KCNQ5: variants seen among roughly 807,000 people sequenced by gnomAD.
The protein encoded by KCNQ5 is potassium voltage-gated channel subfamily KQT member 5.
In KCNQ5, 30 loss-of-function variants were observed where a neutral mutation model predicts 98.2. That is an observed-to-expected ratio of 0.31 (90% CI 0.23 to 0.41). The LOEUF is 0.41. Ranked by LOEUF, KCNQ5 falls within the 10% of genes least tolerant of loss-of-function variation. The pLI, the probability that KCNQ5 is intolerant of heterozygous loss-of-function variation, is 1.00. For missense variants in KCNQ5, 835 were observed against 1,182.5 expected, an observed-to-expected ratio of 0.71 and a Z score of 4.31; for synonymous variants, 458 against 449.4, an observed-to-expected ratio of 1.02 and a Z score of -0.24.
At chr6:72,700,297 ATCTATC>A (rs1054316408) in intron 1 of KCNQ5, among the ~76,000 whole-genome samples, 2 of 121,624 alleles carry the variant, frequency 1.6e-5, no homozygotes, top group African/African-American at 7.5e-5. Context: ...ATCTATATCT[ATCTATC>A]TATCTATCTA....
chr6:73,171,992 G>C (rs1371493343), intron 11 of KCNQ5, among the ~76,000 whole-genome samples: 1 of 152,140 alleles, frequency 6.6e-6, no homozygotes, highest in African/African-American at 2.4e-5. Flanking sequence ...TATTCTGCTA[G>C]CTAAGCACTT....
At chr6:72,867,966 ACT>A (rs1562035223) in intron 1 of KCNQ5, among the ~76,000 whole-genome samples, 29 of 151,354 alleles carry the variant, frequency 1.9e-4, no homozygotes, top group South Asian at 6.3e-4. Context: ...TACTACTACT[ACT>A]ACTAATAATA....
intron 1 of KCNQ5, among the ~76,000 whole-genome samples, chr6:72,912,221 A>G (rs1005457070): frequency 5.3e-5 from 8 of 152,222 alleles, no homozygotes; most frequent in Non-Finnish European, 1.5e-5. Flanking sequence ...CTTGGAGGGC[A>G]TTATGTGTGG....
intron 1 of KCNQ5, among the ~76,000 whole-genome samples, chr6:72,962,206 T>TATATATATATACAC (rs1562095978): frequency 7.8e-6 from 1 of 128,146 alleles, no homozygotes; most frequent in Non-Finnish European, 1.7e-5. Context: ...TATATACATA[T>TATATATATATACAC]ATATATATAT....
chr6:73,019,092 A>C (rs913797534), intron 2 of KCNQ5, among the ~76,000 whole-genome samples: 9 of 152,014 alleles, frequency 5.9e-5, no homozygotes, highest in Non-Finnish European at 1.2e-4. Flanking sequence ...GGGTGACCTT[A>C]TCTCCATAAT....
At chr6:73,132,144 T>C (rs1285131852) in intron 9 of KCNQ5, among the ~76,000 whole-genome samples, 3 of 152,202 alleles carry the variant, frequency 2.0e-5, no homozygotes, top group Non-Finnish European at 4.4e-5. Context: ...CATGCTGCAG[T>C]TGGGGACAGT....
chr6:73,016,217 G>A (rs527307850), intron 2 of KCNQ5, among the ~76,000 whole-genome samples: 3 of 152,102 alleles, frequency 2.0e-5, no homozygotes, highest in Non-Finnish European at 4.4e-5. Flanking sequence ...GACTTGAATG[G>A]AATGAGGCGA....
At chr6:72,823,005 G>A (rs1307583986) in intron 1 of KCNQ5, among the ~76,000 whole-genome samples, 2 of 151,824 alleles carry the variant, frequency 1.3e-5, no homozygotes, top group African/African-American at 4.8e-5. Context: ...ATCACATTGG[G>A]CCCACCTTGA....
intron 1 of KCNQ5, among the ~76,000 whole-genome samples, chr6:72,860,100 G>A (rs1468954193): frequency 1.3e-5 from 2 of 152,124 alleles, no homozygotes; most frequent in African/African-American, 4.8e-5. Context: ...GCCCAGTGAA[G>A]AGATGAGAGA....
At chr6:72,987,162 A>T (rs1451257717) in intron 1 of KCNQ5, 2 of 664,162 alleles carry the variant, frequency 3.0e-6, no homozygotes, top group East Asian at 2.8e-5. Context: ...GAAAAAGATG[A>T]AGTCCAAGAA....
intron 5 of KCNQ5, among the ~76,000 whole-genome samples, chr6:73,088,023 C>CTTTTTT (rs35354592): frequency 7.5e-6 from 1 of 133,358 alleles, no homozygotes; most frequent in Non-Finnish European, 1.5e-5. Context: ...CTCTCTCTCT[C>CTTTTTT]TTTTTTTTTT....
chr6:72,979,113 T>C (rs1344836124), intron 1 of KCNQ5, among the ~76,000 whole-genome samples: 1 of 152,242 alleles, frequency 6.6e-6, no homozygotes, highest in African/African-American at 2.4e-5. Context: ...GTCTTTGCTA[T>C]TGTGAATAGT....
intron 10 of KCNQ5, chr6:73,157,635 G>T (rs1250705028): frequency 2.6e-6 from 2 of 775,042 alleles, no homozygotes; most frequent in Non-Finnish European, 4.8e-6. Flanking sequence ...AACGCAGCAT[G>T]GGTGATGGCT....
At chr6:73,101,681 G>C (rs1323316327) in intron 5 of KCNQ5, among the ~76,000 whole-genome samples, 1 of 151,338 alleles carries the variant, frequency 6.6e-6, no homozygotes, top group Non-Finnish European at 1.5e-5. Flanking sequence ...TAAATACCTA[G>C]GAATTAACCA....
At chr6:72,714,848 A>G (rs1380096024) in intron 1 of KCNQ5, among the ~76,000 whole-genome samples, 1 of 152,172 alleles carries the variant, frequency 6.6e-6, no homozygotes, top group Non-Finnish European at 1.5e-5. Context: ...AGTCTGGAAA[A>G]TAAATCTGAT....
chr6:73,123,626 G>A (rs1775832158), intron 8 of KCNQ5, among the ~76,000 whole-genome samples: 1 of 152,182 alleles, frequency 6.6e-6, no homozygotes, highest in African/African-American at 2.4e-5. Flanking sequence ...ACAGAAGGAT[G>A]TATAGAAGCA....
At chr6:72,852,101 T>G (rs1777286724) in intron 1 of KCNQ5, among the ~76,000 whole-genome samples, 1 of 152,172 alleles carries the variant, frequency 6.6e-6, no homozygotes, top group Non-Finnish European at 1.5e-5. Context: ...TAACAGTGTT[T>G]AAAATGAACT....
chr6:72,736,939 T>C (rs1770881688), intron 1 of KCNQ5, among the ~76,000 whole-genome samples: 1 of 151,132 alleles, frequency 6.6e-6, no homozygotes, highest in Admixed American at 6.6e-5. Context: ...GAATGTCAAC[T>C]GTATGATGAA....
chr6:72,890,222 A>T (rs1779005923), intron 1 of KCNQ5, among the ~76,000 whole-genome samples: 1 of 141,236 alleles, frequency 7.1e-6, no homozygotes, highest in Non-Finnish European at 1.5e-5. Flanking sequence ...CATAATCAGC[A>T]TACTAAGCAT....
Sources: allele counts gnomAD v4.1 joint callset (sites outside exome capture counted in the v4.1 genomes callset), GRCh38; gene constraint gnomAD v4.1.1; transcripts MANE v1.5; gene names NCBI Gene and HGNC (gene_info 2026-07-23, HGNC 2026-07-21).